MEIS2: variants seen among roughly 807,000 people sequenced by gnomAD.
MEIS2 encodes the protein homeobox protein Meis2.
Under a neutral mutation model 58.6 loss-of-function variants are expected in MEIS2, and 9 were observed. The ratio of observed to expected loss-of-function variants is 0.15; its 90% CI spans 0.09 to 0.27. The LOEUF (loss-of-function observed/expected upper bound fraction) is 0.27. Among genes scored for constraint, MEIS2 ranks in the 10% least tolerant of loss-of-function variants. The pLI, the probability that MEIS2 is intolerant of heterozygous loss-of-function variation, is 1.00. For missense variants in MEIS2, 427 were observed against 635.0 expected (o/e 0.67, Z 3.52); for synonymous variants, 221 against 228.4 (o/e 0.97, Z 0.29).
intron 8 of MEIS2, among the ~76,000 whole-genome samples, chr15:36,979,330 T>A (rs1235781940): frequency 1.3e-5 from 2 of 152,142 alleles, no homozygotes; most frequent in Non-Finnish European, 2.9e-5. Flanking sequence ...ATTCAAAATC[T>A]GAAAAATTTT....
intron 9 of MEIS2, among the ~76,000 whole-genome samples, chr15:36,914,736 C>T (rs1029851947): frequency 6.6e-6 from 1 of 152,192 alleles, no homozygotes; most frequent in African/African-American, 2.4e-5. Context: ...AATTCCCAAA[C>T]GTGACAGAGT....
chr15:37,004,824 T>TA (rs1205181390), intron 8 of MEIS2, among the ~76,000 whole-genome samples: 1 of 152,188 alleles, frequency 6.6e-6, no homozygotes, highest in Non-Finnish European at 1.5e-5. Context: ...AATCTAGTGT[T>TA]ACAATCAAGA....
chr15:37,052,532 G>T (rs886469492), intron 7 of MEIS2, among the ~76,000 whole-genome samples: 10 of 152,150 alleles, frequency 6.6e-5, no homozygotes, highest in African/African-American at 2.4e-4. Context: ...TTTTTAAAGG[G>T]TGGGTGAAAG....
rs1443057637 is a variant in MEIS2, at chr15:36,991,106, AG to A, written c.901-40707del. ...GTCAACACCACATTAGGCACTTTAA[AG>A]TACAGAATTAGCCATGCTTCCTACT... is the stretch of plus-strand genomic sequence containing the variant. On this transcript the variant is annotated intron_variant, in intron 8 of 11. Transcript: ENST00000561208. 3.3e-5 allele frequency among the ~76,000 whole-genome samples: 5 copies of A among 152,216 alleles called. No individual in the cohort carries two copies. In the East Asian group the frequency reaches 9.6e-4, roughly 29 times the overall value.
At chr15:37,091,657 T>G (rs1893537484) in intron 6 of MEIS2, among the ~76,000 whole-genome samples, 1 of 152,196 alleles carries the variant, frequency 6.6e-6, no homozygotes, top group African/African-American at 2.4e-5. Flanking sequence ...ATTACAATAG[T>G]CTCATAAATT....
chr15:36,906,459 A>C (rs981723621), intron 9 of MEIS2, among the ~76,000 whole-genome samples: 1 of 152,152 alleles, frequency 6.6e-6, no homozygotes, highest in Non-Finnish European at 1.5e-5. Flanking sequence ...GAGAGATACA[A>C]ATACAAAAGA....
intron 8 of MEIS2, among the ~76,000 whole-genome samples, chr15:36,998,107 G>A (rs969573014): frequency 6.6e-6 from 1 of 151,992 alleles, no homozygotes; most frequent in African/African-American, 2.4e-5. Context: ...TTTTCCTCAC[G>A]ACGGGCTATA....
intron 8 of MEIS2, among the ~76,000 whole-genome samples, chr15:37,009,825 G>A (rs2141627544): frequency 6.6e-6 from 1 of 152,228 alleles, no homozygotes; most frequent in South Asian, 2.1e-4. Flanking sequence ...ATAAATGAAT[G>A]TTGACAATTC....
intron 7 of MEIS2, among the ~76,000 whole-genome samples, chr15:37,053,213 G>A (rs1596022284): frequency 6.6e-6 from 1 of 152,274 alleles, no homozygotes; most frequent in South Asian, 2.1e-4. Flanking sequence ...CAATCAAATA[G>A]CAGTCCAACC....
chr15:37,048,254 T>C (rs200142193), intron 7 of MEIS2, among the ~76,000 whole-genome samples: 2 of 152,302 alleles, frequency 1.3e-5, no homozygotes, highest in East Asian at 3.9e-4. Context: ...TTAGTATAGA[T>C]CAATAATAAC....
chr15:37,052,713 T>C (rs1167594362), intron 7 of MEIS2, among the ~76,000 whole-genome samples: 1 of 152,230 alleles, frequency 6.6e-6, no homozygotes, highest in Non-Finnish European at 1.5e-5. Context: ...CTTCTTTCAC[T>C]TATTCGAAAG....
intron 8 of MEIS2, chr15:36,972,908 A>C (rs1309551071): frequency 6.6e-6 from 1 of 152,150 alleles, no homozygotes; most frequent in Non-Finnish European, 1.5e-5. Flanking sequence ...TCTATTGCTT[A>C]GGACTAAGAA....
chr15:37,083,672 C>A (rs776136881), intron 7 of MEIS2, 99 bp downstream of exon 7: 22 of 870,080 alleles, frequency 2.5e-5, no homozygotes, highest in Non-Finnish European at 3.5e-5. Context: ...TAACCTGCCA[C>A]TCTCCTGTTT....
At chr15:36,944,777 G>C (rs548214384) in intron 9 of MEIS2, among the ~76,000 whole-genome samples, 1 of 151,990 alleles carries the variant, frequency 6.6e-6, no homozygotes, top group South Asian at 2.1e-4. Flanking sequence ...AAATGGCCGC[G>C]GTGGAAATTG....
At chr15:36,939,218 C>T (rs2058287875) in intron 9 of MEIS2, among the ~76,000 whole-genome samples, 1 of 152,186 alleles carries the variant, frequency 6.6e-6, no homozygotes, top group Non-Finnish European at 1.5e-5. Context: ...TTTACTTCTC[C>T]AGCCCACTCT....
chr15:37,030,346 C>T (rs1000548506), intron 8 of MEIS2, among the ~76,000 whole-genome samples: 1 of 152,022 alleles, frequency 6.6e-6, no homozygotes, highest in Non-Finnish European at 1.5e-5. Flanking sequence ...TTCTCTCCTA[C>T]TGAGGGGTAT....
At chr15:36,912,099 G>A (rs1233401258) in intron 9 of MEIS2, among the ~76,000 whole-genome samples, 4 of 152,104 alleles carry the variant, frequency 2.6e-5, no homozygotes, top group Non-Finnish European at 5.9e-5. Flanking sequence ...CCATTTTCAT[G>A]GGTAACCTCT....
At chr15:36,974,049 A>G (rs1238500535) in intron 8 of MEIS2, among the ~76,000 whole-genome samples, 5 of 152,190 alleles carry the variant, frequency 3.3e-5, no homozygotes, top group African/African-American at 7.2e-5. Context: ...AAAACTCTCA[A>G]TAAAAATCAG....
At chr15:37,065,154 A>G (rs1889746273) in intron 7 of MEIS2, among the ~76,000 whole-genome samples, 1 of 152,150 alleles carries the variant, frequency 6.6e-6, no homozygotes, top group Non-Finnish European at 1.5e-5. Flanking sequence ...GCATAATGTA[A>G]ATTCTGGAAG....
Sources: allele counts gnomAD v4.1 joint callset (sites outside exome capture counted in the v4.1 genomes callset), GRCh38; gene constraint gnomAD v4.1.1; transcripts MANE v1.5; gene names NCBI Gene and HGNC (gene_info 2026-07-23, HGNC 2026-07-21).